The following PREX1 variants were observed in gnomAD, a reference collection of about 807,000 sequenced individuals.
PREX1 encodes the protein phosphatidylinositol 3,4,5-trisphosphate-dependent Rac exchanger 1 protein.
In PREX1, 41 loss-of-function variants were observed where a neutral mutation model predicts 198.3. The ratio of observed to expected loss-of-function variants is 0.21; its 90% CI spans 0.16 to 0.27. The LOEUF (loss-of-function observed/expected upper bound fraction) is 0.27. Among genes scored for constraint, PREX1 ranks in the 10% least tolerant of loss-of-function variants. PREX1 has a pLI of 1.00. For synonymous variants in PREX1, 843 were observed against 887.2 expected (o/e 0.95, Z 0.89); for missense variants, 1,620 against 2,200.7 (o/e 0.74, Z 5.28).
chr20:48,719,337 G>A (rs529474888), intron 5 of PREX1, among the ~76,000 whole-genome samples: 101 of 152,212 alleles, frequency 6.6e-4, no homozygotes, highest in African/African-American at 2.3e-3. Flanking sequence ...GGGGTGTCCC[G>A]AGGTTAGTGC....
the PREX1 span, among the ~76,000 whole-genome samples, chr20:48,852,335 G>C: frequency 6.6e-6 from 1 of 151,938 alleles, no homozygotes; most frequent in Non-Finnish European, 1.5e-5. Flanking sequence ...CTCTCCCATA[G>C]GTCATGGTGC....
chr20:48,727,305 A>C (rs2090014693), intron 4 of PREX1, among the ~76,000 whole-genome samples: 2 of 152,128 alleles, frequency 1.3e-5, no homozygotes, highest in Non-Finnish European at 2.9e-5. Flanking sequence ...TAGGAATGGA[A>C]TACCGTTACC....
chr20:48,688,509 G>A (rs1207640942), intron 10 of PREX1, 148 bp downstream of exon 10: 2 of 1,001,778 alleles, frequency 2.0e-6, no homozygotes, highest in Non-Finnish European at 2.9e-6. Context: ...GATCTCTGAG[G>A]GCTGCTCCAT....
At chr20:48,817,805 A>G (rs2090465280) in intron 1 of PREX1, among the ~76,000 whole-genome samples, 1 of 152,200 alleles carries the variant, frequency 6.6e-6, no homozygotes, top group African/African-American at 2.4e-5. Context: ...ATATAGAAGC[A>G]ATTTTTTTCA....
At position 48,646,039 on chromosome 20, in the gene PREX1, T is replaced by G; in HGVS notation, c.3324A>C (p.Thr1108=). ...CGCAGGACCCACCCGAGGTGGGCTC[T>G]GTGATGGTGGACAGCAGCCTACGGA... ...TQINRLLSTI[T]EPTSGGSCDA... Residue 1108 remains threonine, a synonymous_variant, in exon 26 of 40, where the codon ACA becomes ACC. Transcript: ENST00000371941. The G allele has an allele frequency of 6.2e-7, 1 of 1,613,914 alleles. No homozygotes were observed. The highest frequency in any genetic ancestry group is 8.5e-7 in the Non-Finnish European group (1 of 1,180,014).
chr20:48,672,520 C>T (rs1362546747), intron 14 of PREX1, among the ~76,000 whole-genome samples: 2 of 152,266 alleles, frequency 1.3e-5, no homozygotes, highest in Non-Finnish European at 2.9e-5. Flanking sequence ...GTACTCCGAG[C>T]CGGGCAGGGG....
chr20:48,662,619 A>AT (rs1414120098), intron 15 of PREX1, among the ~76,000 whole-genome samples: 1 of 152,322 alleles, frequency 6.6e-6, no homozygotes, highest in African/African-American at 2.4e-5. Flanking sequence ...TAAGGTGGGA[A>AT]TACCTTAGTG....
At chr20:48,712,029 T>C (rs1038098217) in intron 5 of PREX1, among the ~76,000 whole-genome samples, 5 of 152,212 alleles carry the variant, frequency 3.3e-5, no homozygotes, top group African/African-American at 1.2e-4. Context: ...TTAGACGTTG[T>C]TTAAGCCACT....
At chr20:48,834,375 C>T in the PREX1 span, among the ~76,000 whole-genome samples, 2 of 151,628 alleles carry the variant, frequency 1.3e-5, no homozygotes, top group African/African-American at 4.8e-5. Flanking sequence ...TTTTTTTTCC[C>T]AGAACTGAAA....
chr20:48,627,781 C>G, intron 38 of PREX1, 80 bp downstream of exon 38: 1 of 1,447,024 alleles, frequency 6.9e-7, no homozygotes, highest in East Asian at 2.4e-5. Flanking sequence ...TGGCTACCAG[C>G]CCCTCATCCC....
At chr20:48,642,304 C>T (rs368057377) in intron 28 of PREX1, 46 bp from the exon 29 acceptor site, 1 of 1,606,068 alleles carries the variant, frequency 6.2e-7, no homozygotes, top group Non-Finnish European at 8.5e-7. Context: ...CGTGGCCCTA[C>T]ACACTGCAGA....
the PREX1 span, among the ~76,000 whole-genome samples, chr20:48,834,555 C>T: frequency 6.8e-6 from 1 of 147,050 alleles, no homozygotes; most frequent in South Asian, 2.2e-4. Flanking sequence ...GGGCAAATTC[C>T]ATTCCTGAGC....
At chr20:48,740,678 G>A (rs1242135009) in intron 3 of PREX1, among the ~76,000 whole-genome samples, 5 of 152,172 alleles carry the variant, frequency 3.3e-5, no homozygotes, top group South Asian at 2.1e-4. Context: ...CCTATCCTCC[G>A]TGAGCAGGCA....
At chr20:48,705,706 C>T (rs2089899757) in intron 6 of PREX1, among the ~76,000 whole-genome samples, 1 of 152,216 alleles carries the variant, frequency 6.6e-6, no homozygotes, top group South Asian at 2.1e-4. Context: ...CACAAGTCAC[C>T]TTGAGGAACA....
chr20:48,780,989 C>T (rs1007913584), intron 1 of PREX1, among the ~76,000 whole-genome samples: 1 of 152,116 alleles, frequency 6.6e-6, no homozygotes, highest in African/African-American at 2.4e-5. Flanking sequence ...CTGGGGTATC[C>T]CTCCTAATTA....
intron 15 of PREX1, among the ~76,000 whole-genome samples, chr20:48,660,577 A>G (rs1048235266): frequency 6.6e-6 from 1 of 152,212 alleles, no homozygotes; most frequent in Admixed American, 6.5e-5. Context: ...AAAGCTAACA[A>G]AACTAAATAT....
At chr20:48,875,199 A>C in the PREX1 span, among the ~76,000 whole-genome samples, 17 of 152,220 alleles carry the variant, frequency 1.1e-4, no homozygotes, top group African/African-American at 4.1e-4. Flanking sequence ...GTGTCAGGGA[A>C]GGTTTCTTGG....
Position 48,627,575 on chromosome 20 carries a change from T to C in PREX1, c.4910A>G (p.Lys1637Arg). 6.2e-7 allele frequency: 1 copy of C among 1,613,900 alleles called. No homozygotes were observed. The highest frequency in any genetic ancestry group is 8.5e-7 in the Non-Finnish European group (1 of 1,179,930). The part of the protein sequence containing the change: ...VEILAKNLRV[K>R]DQMPQGAPRL... Reference sequence around the variant, plus strand: ...CGGAGCACCCTGGGGCATCTGGTCCTTGACTCGCAGGTTTTTGGCCAGAAT... The same window carrying C: ...CGGAGCACCCTGGGGCATCTGGTCCCTGACTCGCAGGTTTTTGGCCAGAAT... Residue 1637 changes from lysine (K) to arginine (R), a missense_variant, in exon 39 of 40, where the codon AAG becomes AGG. By Grantham distance (26) the Lys-to-Arg change is conservative. This residue lies in a region of PREX1 where 476 missense variants were observed against 603.4 expected (regional missense o/e 0.79). Coordinates refer to ENST00000371941, the MANE Select transcript of PREX1 (RefSeq NM_020820.4).
At chr20:48,681,445 T>C in intron 10 of PREX1, 110 bp from the exon 11 acceptor site, 1 of 1,040,446 alleles carries the variant, frequency 9.6e-7, no homozygotes, top group Admixed American at 1.7e-5. Flanking sequence ...CAGCTAGAAC[T>C]TCCCACAGGG....
Sources: gnomAD v4.1 joint callset for allele counts (sites outside exome capture counted in the v4.1 genomes callset) on GRCh38, gnomAD v4.1.1 for gene constraint, gnomAD v4.1.1 regional missense constraint, MANE v1.5 for transcripts, NCBI Gene and HGNC (gene_info 2026-07-23, HGNC 2026-07-21) for gene names.